FRAS1: variants seen among roughly 807,000 people sequenced by gnomAD.
The protein encoded by FRAS1 is extracellular matrix organizing protein FRAS1.
In FRAS1, 290 loss-of-function variants were observed where a neutral mutation model predicts 435.2. The observed-to-expected ratio is 0.67, with a 90% CI of 0.61 to 0.73. The LOEUF is 0.73. Ranked by LOEUF, FRAS1 falls within the 30% of genes least tolerant of loss-of-function variation. The pLI is 0.00. For missense variants in FRAS1, 4,860 were observed against 5,001.5 expected (o/e 0.97, Z 0.85); for synonymous variants, 1,800 against 1,851.0 (o/e 0.97, Z 0.71).
intron 23 of FRAS1, among the ~76,000 whole-genome samples, chr4:78,372,325 A>T (rs1436096428): frequency 1.3e-5 from 2 of 152,164 alleles, no homozygotes; most frequent in Admixed American, 1.3e-4. Flanking sequence ...CCTATTGAGC[A>T]TTGAGTATTT....
chr4:78,134,567 TCTC>T (rs1442868148), intron 2 of FRAS1, among the ~76,000 whole-genome samples: 3 of 152,168 alleles, frequency 2.0e-5, no homozygotes, highest in African/African-American at 7.2e-5. Context: ...CTCTTTTCTT[TCTC>T]CTGCCTGAAT....
chr4:78,266,829 T>C lies in FRAS1; in HGVS notation c.688-5T>C, dbSNP rs775548230. On this transcript the variant is annotated splice_polypyrimidine_tract_variant and splice_region_variant and intron_variant, in intron 7 of 73. Coordinates refer to ENST00000512123, the MANE Select transcript of FRAS1 (RefSeq NM_025074.7). ...TCCATGTTCTTCTTTCCTGTCTTCA[T>C]GCAGCATGGTGAGCAGTGGAGCGAA... is the stretch of plus-strand genomic sequence containing the variant. 6.3e-7 allele frequency: 1 copy of C among 1,592,008 alleles called. No individual in the cohort carries two copies. The highest frequency in any genetic ancestry group is 2.3e-5 in the East Asian group (1 of 44,252).
At chr4:78,286,265 G>A (rs754086669) in intron 13 of FRAS1, 140 bp from the exon 14 acceptor site, 2 of 887,304 alleles carry the variant, frequency 2.3e-6, no homozygotes, top group Non-Finnish European at 3.7e-6. Flanking sequence ...ACAGATGATG[G>A]CTGTTAAAAT....
chr4:78,429,561 T>C (rs1734131719), intron 36 of FRAS1, among the ~76,000 whole-genome samples: 1 of 152,190 alleles, frequency 6.6e-6, no homozygotes, highest in Admixed American at 6.5e-5. Flanking sequence ...CTCTTGTTTC[T>C]ATTTAGAAAG....
intron 64 of FRAS1, 109 bp from the exon 65 acceptor site, chr4:78,513,283 A>T: frequency 9.0e-7 from 1 of 1,113,950 alleles, no homozygotes. Context: ...GGAAGAAAAA[A>T]AAATGGTAGC....
At position 78,472,248 on chromosome 4, in the gene FRAS1, C is replaced by G; in HGVS notation, c.7440C>G (p.Val2480=). The G allele has an allele frequency of 6.2e-7, 1 of 1,613,888 alleles. No homozygotes were observed. The highest frequency in any genetic ancestry group is 8.5e-7 in the Non-Finnish European group (1 of 1,179,814). ...MDPDTEDAQL[V]YEITTGPKHG... The stretch of plus-strand genomic sequence containing the variant: ...CAGACACCGAGGACGCGCAGCTTGT[C>G]TATGAGATAACGACGGGCCCTAAGC... Residue 2480 remains valine (V), a synonymous_variant, in exon 52 of 74, where the codon GTC becomes GTG. Coordinates refer to ENST00000512123, the MANE Select transcript of FRAS1 (RefSeq NM_025074.7).
chr4:78,144,179 G>A (rs1157856432), intron 2 of FRAS1, among the ~76,000 whole-genome samples: 2 of 150,814 alleles, frequency 1.3e-5, no homozygotes, highest in Non-Finnish European at 3.0e-5. Flanking sequence ...AAAAACTCAA[G>A]AAGAAAAAAA....
At chr4:78,144,266 A>G (rs1304765998) in intron 2 of FRAS1, among the ~76,000 whole-genome samples, 1 of 152,158 alleles carries the variant, frequency 6.6e-6, no homozygotes, top group Non-Finnish European at 1.5e-5. Context: ...TAAAAACATA[A>G]TACAGAGCAT....
chr4:78,482,568 A>G, intron 58 of FRAS1, 33 bp downstream of exon 58: 1 of 1,589,328 alleles, frequency 6.3e-7, no homozygotes, highest in Non-Finnish European at 8.5e-7. Flanking sequence ...TGGTAGGTCC[A>G]AATATATTTC....
chr4:78,091,741 C>T (rs373124004), intron 2 of FRAS1, among the ~76,000 whole-genome samples: 16 of 151,650 alleles, frequency 1.1e-4, no homozygotes, highest in East Asian at 5.8e-4. Context: ...CCCTACAGCC[C>T]GGAGCTCCTG....
At chr4:78,414,294 T>C (rs1733465128) in intron 32 of FRAS1, among the ~76,000 whole-genome samples, 2 of 152,182 alleles carry the variant, frequency 1.3e-5, no homozygotes, top group Admixed American at 6.5e-5. Context: ...TAATGCAGTG[T>C]TATTTTGAGT....
At chr4:78,062,841 C>G (rs1346274164) in intron 1 of FRAS1, among the ~76,000 whole-genome samples, 1 of 152,206 alleles carries the variant, frequency 6.6e-6, no homozygotes, top group African/African-American at 2.4e-5. Context: ...TTACTTCACC[C>G]TGCAAAACTT....
At position 78,537,093 on chromosome 4, in the gene FRAS1, G is replaced by A. The variant is rs371340299; in HGVS notation, c.11191G>A (p.Asp3731Asn). ...LEKVYLCTGK[D>N]GYVPFFDPTG... is the part of the protein sequence containing the mutation. ...GAAAGTCTATCTTTGTACGGGCAAG[G>A]ATGGTTATGTGCCTTTCTTTGATCC... Residue 3731 changes from aspartate (D) to asparagine (N), a missense_variant, in exon 72 of 74, where the codon GAT becomes AAT. Physicochemically the swap from Asp to Asn is conservative, Grantham distance 23 (BLOSUM62 1). Coordinates refer to ENST00000512123, the MANE Select transcript of FRAS1 (RefSeq NM_025074.7). 3.7e-6 allele frequency: 6 copies of A among 1,613,914 alleles called. No homozygotes were observed. The highest frequency in any genetic ancestry group is 5.1e-6 in the Non-Finnish European group (6 of 1,179,900).
chr4:78,451,327 G>A (rs1468896154), intron 45 of FRAS1, among the ~76,000 whole-genome samples: 3 of 152,192 alleles, frequency 2.0e-5, no homozygotes, highest in African/African-American at 7.2e-5. Flanking sequence ...CGTGAACTGG[G>A]CAATGAAAAG....
chr4:78,295,667 A>T (rs550317941), intron 14 of FRAS1, among the ~76,000 whole-genome samples: 1 of 151,908 alleles, frequency 6.6e-6, no homozygotes, highest in East Asian at 1.9e-4. Context: ...CCTTTTAAAT[A>T]ACTACACTAA....
intron 42 of FRAS1, 124 bp downstream of exon 42, chr4:78,445,836 G>A (rs765964834): frequency 1.9e-5 from 27 of 1,413,566 alleles, no homozygotes; most frequent in Middle Eastern, 1.9e-4. Flanking sequence ...ATTGAAGGTC[G>A]TTCTTAAAAT....
chr4:78,400,656 C>A, intron 29 of FRAS1, 78 bp from the exon 30 acceptor site: 1 of 1,388,324 alleles, frequency 7.2e-7, no homozygotes, highest in Non-Finnish European at 9.9e-7. Context: ...AACAACAGAA[C>A]TGGATAACTT....
intron 33 of FRAS1, among the ~76,000 whole-genome samples, chr4:78,420,020 T>C (rs1259651320): frequency 2.0e-5 from 3 of 150,458 alleles, no homozygotes; most frequent in Admixed American, 6.6e-5. Flanking sequence ...AGGATTACAA[T>C]TGAACATGAG....
intron 18 of FRAS1, among the ~76,000 whole-genome samples, chr4:78,326,194 G>A (rs1211038363): frequency 6.6e-6 from 1 of 152,132 alleles, no homozygotes; most frequent in Admixed American, 6.5e-5. Flanking sequence ...GCAGAAACAG[G>A]GTAGGGCTGG....
Sources: allele counts gnomAD v4.1 joint callset (sites outside exome capture counted in the v4.1 genomes callset), GRCh38; gene constraint gnomAD v4.1.1; transcripts MANE v1.5; gene names NCBI Gene and HGNC (gene_info 2026-07-23, HGNC 2026-07-21).